Variants in FHIP2A observed in about 807,000 individuals in gnomAD.
The protein encoded by FHIP2A is family with sequence similarity 160 member B1.
FHIP2A carries 46 observed loss-of-function variants against 93.5 expected under a neutral mutation model. The ratio of observed to expected loss-of-function variants is 0.49; its 90% CI spans 0.39 to 0.63. FHIP2A has a LOEUF of 0.63. Ranked by LOEUF, FHIP2A falls within the 20% of genes least tolerant of loss-of-function variation. FHIP2A has a pLI of 0.00. For synonymous variants in FHIP2A, 332 were observed against 326.5 expected (o/e 1.02, Z -0.18); for missense variants, 769 against 909.7 (o/e 0.85, Z 1.99).
At chr10:114,895,686 G>T (rs2083997661) in intron 16 of FHIP2A, among the ~76,000 whole-genome samples, 2 of 152,140 alleles carry the variant, frequency 1.3e-5, no homozygotes, top group African/African-American at 2.4e-5. Context: ...GTTGCCTAAG[G>T]TTTTGCAGTG....
Position 114,821,946 on chromosome 10 carries a change from C to T in FHIP2A, c.-133C>T, listed in dbSNP as rs1239272207. On this transcript the variant is annotated 5_prime_UTR_variant, in exon 1 of 17. Coordinates refer to ENST00000369248, the MANE Select transcript of FHIP2A (RefSeq NM_020940.4). ...GGCCGGGCCAGGCCCTGCCTCGATC[C>T]TCAGCTCGTCCTCCCCGCCCCGCAC... 2.3e-6 allele frequency: 1 copy of T among 441,890 alleles called. No individual in the cohort carries two copies. Among genetic ancestry groups the T allele is most frequent in the Non-Finnish European group, 3.6e-6 (1 of 277,380 alleles). The allele number at this position is 441,890 out of a possible 1,614,324, so 27.4% of individuals were successfully genotyped here.
rs2083818624 is a variant in FHIP2A, at chr10:114,864,464, G to A, written c.*2924G>A. 2 of 985,804 alleles carry A rather than the reference G, an allele frequency of 2.0e-6. No individual in the cohort carries two copies. The highest frequency in any genetic ancestry group is 2.4e-6 in the Non-Finnish European group (2 of 829,916). 61.1% of individuals were successfully genotyped at this position (985,804 alleles called of 1,614,324 possible). On this transcript the variant is annotated 3_prime_UTR_variant, in exon 17 of 17. Coordinates refer to ENST00000369248, the MANE Select transcript of FHIP2A (RefSeq NM_020940.4). ...TAAAATAGTGTTACTGTAATACTCTGTTTTGCCTCCTGCCTTGTTTACATT... is the reference window on the plus strand; with the variant it reads ...TAAAATAGTGTTACTGTAATACTCTATTTTGCCTCCTGCCTTGTTTACATT...
At chr10:114,841,615 A>G (rs1367827823) in intron 5 of FHIP2A, among the ~76,000 whole-genome samples, 1 of 152,152 alleles carries the variant, frequency 6.6e-6, no homozygotes, top group Non-Finnish European at 1.5e-5. Context: ...GGAAATTGGC[A>G]AATTGTTTGG....
downstream of FHIP2A, among the ~76,000 whole-genome samples, chr10:114,868,655 C>G (rs985069559): frequency 6.6e-6 from 1 of 152,170 alleles, no homozygotes; most frequent in Admixed American, 6.5e-5. Flanking sequence ...CCCTAGCAGA[C>G]TGCCAGAAAT....
downstream of FHIP2A, among the ~76,000 whole-genome samples, chr10:114,868,225 G>C (rs1431781468): frequency 6.6e-6 from 1 of 152,182 alleles, no homozygotes; most frequent in East Asian, 1.9e-4. Context: ...TCCGTGGCCG[G>C]TTGGGAACTG....
At chr10:114,877,225 G>A (rs994649778) in intron 16 of FHIP2A, among the ~76,000 whole-genome samples, 2 of 152,074 alleles carry the variant, frequency 1.3e-5, no homozygotes, top group African/African-American at 4.8e-5. Flanking sequence ...AACAGTTCCC[G>A]AGTGCTGTCA....
At chr10:114,860,629 G>C in intron 14 of FHIP2A, 120 bp from the exon 15 acceptor site, 1 of 803,842 alleles carries the variant, frequency 1.2e-6, no homozygotes, top group South Asian at 1.5e-5. Flanking sequence ...TGGGATTACA[G>C]GTGTGAGCCA....
intron 13 of FHIP2A, among the ~76,000 whole-genome samples, chr10:114,852,983 G>A (rs1203974578): frequency 3.9e-5 from 6 of 152,100 alleles, no homozygotes; most frequent in African/African-American, 7.2e-5. Flanking sequence ...ATGCCAGCTC[G>A]TGATTTATTC....
At chr10:114,837,050 C>T (rs1257592811) in intron 5 of FHIP2A, among the ~76,000 whole-genome samples, 1 of 152,014 alleles carries the variant, frequency 6.6e-6, no homozygotes, top group African/African-American at 2.4e-5. Flanking sequence ...TACAGGTGTG[C>T]ACCACCACAC....
At chr10:114,897,384 C>A (rs1236497873) in intron 16 of FHIP2A, among the ~76,000 whole-genome samples, 1 of 152,144 alleles carries the variant, frequency 6.6e-6, no homozygotes, top group East Asian at 1.9e-4. Flanking sequence ...AAACTGCTGG[C>A]AAGTGTACCC....
At chr10:114,884,593 G>C (rs993524189) in intron 16 of FHIP2A, among the ~76,000 whole-genome samples, 1 of 152,176 alleles carries the variant, frequency 6.6e-6, no homozygotes, top group African/African-American at 2.4e-5. Context: ...ATTTGTCAGG[G>C]AATGAAGATT....
rs2083523838 is a variant in FHIP2A at position 114,821,787 on chromosome 10, G to T, written c.-292G>T. ...AGCGGGGGGAAGGAACCCGAGCCGG[G>T]CTGCCACCGTGTCCCAACCGGTGCC... On this transcript the variant is annotated 5_prime_UTR_variant, in exon 1 of 17. Coordinates refer to ENST00000369248, the MANE Select transcript of FHIP2A (RefSeq NM_020940.4). 1.2e-5 allele frequency: 2 copies of T among 167,720 alleles called. No individual in the cohort carries two copies. The highest frequency in any genetic ancestry group is 1.3e-4 in the Admixed American group (2 of 15,508). 10.4% of individuals were successfully genotyped at this position (167,720 alleles called of 1,614,324 possible).
chr10:114,842,494 T>G lies in FHIP2A; in HGVS notation c.523-439T>G, dbSNP rs183529307. 2.1e-3 allele frequency among the ~76,000 whole-genome samples: 315 copies of G among 152,270 alleles called. 1 individual carries two copies. Among genetic ancestry groups the G allele is most frequent in the South Asian group, 3.5e-3 (17 of 4,830 alleles). Reference sequence around the variant, plus strand: ...GTAACTTTTGAACTTTAAAATATTTTTATTTGTAAGTTTGTACTTCCTTCC... The same window carrying G: ...GTAACTTTTGAACTTTAAAATATTTGTATTTGTAAGTTTGTACTTCCTTCC... On this transcript the variant is annotated intron_variant, in intron 5 of 16. Coordinates refer to ENST00000369248, the MANE Select transcript of FHIP2A (RefSeq NM_020940.4).
intron 16 of FHIP2A, among the ~76,000 whole-genome samples, chr10:114,888,502 G>A (rs1175165212): frequency 6.6e-6 from 1 of 152,200 alleles, no homozygotes; most frequent in African/African-American, 2.4e-5. Context: ...ATACTCCCAA[G>A]AACTGCAAAG....
At chr10:114,846,401 A>G in intron 10 of FHIP2A, 34 bp downstream of exon 10, 1 of 1,548,964 alleles carries the variant, frequency 6.5e-7, no homozygotes, top group Non-Finnish European at 8.8e-7. Context: ...TTGGACTTAG[A>G]TTCTTTGAAA....
At chr10:114,830,688 G>A (rs1444525411) in intron 1 of FHIP2A, among the ~76,000 whole-genome samples, 164 bp from the exon 2 acceptor site, 1 of 152,004 alleles carries the variant, frequency 6.6e-6, no homozygotes, top group East Asian at 1.9e-4. Flanking sequence ...TTACTTTCTT[G>A]GATTTGACTT....
At chr10:114,871,453 A>C (rs1056085178) in intron 16 of FHIP2A, among the ~76,000 whole-genome samples, 1 of 152,186 alleles carries the variant, frequency 6.6e-6, no homozygotes, top group African/African-American at 2.4e-5. Context: ...CTAGCTCTGC[A>C]ACCCCAGCCT....
At chr10:114,841,546 CCT>C (rs2083669041) in intron 5 of FHIP2A, among the ~76,000 whole-genome samples, 1 of 152,138 alleles carries the variant, frequency 6.6e-6, no homozygotes, top group Admixed American at 6.6e-5. Flanking sequence ...CCTGCCTCAG[CCT>C]CTCAAAGTGC....
intron 5 of FHIP2A, among the ~76,000 whole-genome samples, chr10:114,837,908 T>C (rs1194949344): frequency 1.3e-5 from 2 of 152,234 alleles, no homozygotes; most frequent in Non-Finnish European, 2.9e-5. Flanking sequence ...TGTTTATCCA[T>C]ACACCAGTGA....
Sources: gnomAD v4.1 joint callset for allele counts (sites outside exome capture counted in the v4.1 genomes callset) on GRCh38, gnomAD v4.1.1 for gene constraint, MANE v1.5 for transcripts, NCBI Gene and HGNC (gene_info 2026-07-23, HGNC 2026-07-21) for gene names.